Variants in TSPAN5 observed in about 807,000 individuals in gnomAD.
The protein encoded by TSPAN5 is tetraspanin-5.
TSPAN5 carries 10 observed loss-of-function variants against 37.1 expected under a neutral mutation model. The ratio of observed to expected loss-of-function variants is 0.27; its 90% CI spans 0.17 to 0.46. The LOEUF (loss-of-function observed/expected upper bound fraction) is 0.46. Among genes scored for constraint, TSPAN5 ranks in the 20% least tolerant of loss-of-function variants. TSPAN5 has a pLI of 1.00. For synonymous variants in TSPAN5, 110 were observed against 118.9 expected, an observed-to-expected ratio of 0.93 and a Z score of 0.48; for missense variants, 195 against 326.6, an observed-to-expected ratio of 0.60 and a Z score of 3.11.
chr4:98,523,185 T>A (rs1753892194), intron 1 of TSPAN5, among the ~76,000 whole-genome samples: 1 of 152,234 alleles, frequency 6.6e-6, no homozygotes, highest in African/African-American at 2.4e-5. Context: ...TCCATGTGTG[T>A]GCACTCTGGA....
At chr4:98,588,315 A>G (rs146090966) in intron 1 of TSPAN5, among the ~76,000 whole-genome samples, 11 of 152,262 alleles carry the variant, frequency 7.2e-5, no homozygotes, top group African/African-American at 2.6e-4. Flanking sequence ...CAGAGACCGC[A>G]GAAGATCACA....
In TSPAN5 at chr4:98,486,981, A is replaced by G. The variant is rs539224947; in HGVS notation, c.133-97T>C. The G allele has an allele frequency of 6.3e-5, 84 of 1,336,084 alleles. No individual in the cohort carries two copies. The African/African-American group carries it at 7.8e-4, about 12-fold the overall frequency. 82.8% of individuals were successfully genotyped at this position (1,336,084 alleles called of 1,614,324 possible). A position where few individuals can be genotyped will look rare whatever the true frequency, so the allele number is the denominator to read the frequency against. On this transcript the variant is annotated intron_variant, in intron 2 of 7. Transcript: ENST00000305798. ...GCATTTGTCCTTTCCCCTCCCAAAG[A>G]AAACCTTCAGAGGGCATCTGATTAT...
chr4:98,570,683 A>G lies in TSPAN5; in HGVS notation c.82-62955T>C, dbSNP rs553816500. ...ATAGGTTAGGCAGAGGGAGGAACAG[A>G]AACAGAGAGAGATGGACTCAAGAAA... On this transcript the variant is annotated intron_variant, in intron 1 of 7. Coordinates refer to ENST00000305798, the MANE Select transcript of TSPAN5 (RefSeq NM_005723.4). 2.0e-5 allele frequency among the ~76,000 whole-genome samples: 3 copies of G among 152,276 alleles called. No homozygotes were observed. The South Asian group carries it at 6.2e-4, about 32-fold the overall frequency.
chr4:98,569,287 A>C (rs1560541233), intron 1 of TSPAN5, among the ~76,000 whole-genome samples: 1 of 152,216 alleles, frequency 6.6e-6, no homozygotes, highest in Non-Finnish European at 1.5e-5. Flanking sequence ...GTAAGCAGAC[A>C]ATCTGGTTTT....
intron 1 of TSPAN5, among the ~76,000 whole-genome samples, chr4:98,591,306 C>A (rs1232197420): frequency 1.4e-5 from 2 of 140,932 alleles, no homozygotes; most frequent in African/African-American, 2.7e-5. Context: ...ACGCAAAAAC[C>A]TGAAGTACTT....
chr4:98,538,311 T>G (rs868788893), intron 1 of TSPAN5, among the ~76,000 whole-genome samples: 2 of 152,244 alleles, frequency 1.3e-5, no homozygotes, highest in African/African-American at 4.8e-5. Context: ...CATCAGTAAG[T>G]CTGGCTTAGG....
At chr4:98,600,780 C>G (rs1377366925) in intron 1 of TSPAN5, among the ~76,000 whole-genome samples, 2 of 152,194 alleles carry the variant, frequency 1.3e-5, no homozygotes, top group Admixed American at 1.3e-4. Flanking sequence ...TCCCATGGAT[C>G]ATGAAGGACC....
intron 1 of TSPAN5, among the ~76,000 whole-genome samples, chr4:98,538,490 A>T (rs2110138336): frequency 6.6e-6 from 1 of 152,306 alleles, no homozygotes; most frequent in South Asian, 2.1e-4. Flanking sequence ...CATTCCTCTG[A>T]CATCTAAGAG....
At chr4:98,589,647 G>A (rs1012944243) in intron 1 of TSPAN5, among the ~76,000 whole-genome samples, 7 of 152,154 alleles carry the variant, frequency 4.6e-5, no homozygotes, top group South Asian at 2.1e-4. Flanking sequence ...CGCCAGCTAC[G>A]CGCAGACTAC....
intron 1 of TSPAN5, among the ~76,000 whole-genome samples, chr4:98,656,084 C>T (rs980240395): frequency 9.2e-5 from 14 of 152,150 alleles, no homozygotes; most frequent in African/African-American, 3.1e-4. Context: ...CACCCACCCA[C>T]CTATGAAGAC....
intron 1 of TSPAN5, among the ~76,000 whole-genome samples, chr4:98,635,606 G>A (rs982790905): frequency 1.3e-5 from 2 of 152,142 alleles, no homozygotes; most frequent in Non-Finnish European, 2.9e-5. Context: ...ACAATTTGCT[G>A]TGAATCAAAG....
At chr4:98,501,880 C>A (rs1427319015) in intron 2 of TSPAN5, among the ~76,000 whole-genome samples, 1 of 152,108 alleles carries the variant, frequency 6.6e-6, no homozygotes. Context: ...CAGAGACAGC[C>A]CTAGGGTGAG....
At chr4:98,656,944 G>C (rs777247302) in intron 1 of TSPAN5, among the ~76,000 whole-genome samples, 1 of 152,212 alleles carries the variant, frequency 6.6e-6, no homozygotes, top group African/African-American at 2.4e-5. Context: ...TACATTCCGT[G>C]TTCAGACTGC....
chr4:98,634,411 C>T (rs1393730494), intron 1 of TSPAN5, among the ~76,000 whole-genome samples: 1 of 152,150 alleles, frequency 6.6e-6, no homozygotes, highest in African/African-American at 2.4e-5. Context: ...GAGACTGTTA[C>T]CTCCCAAATT....
chr4:98,629,219 T>G (rs1412862889), intron 1 of TSPAN5, among the ~76,000 whole-genome samples: 1 of 152,240 alleles, frequency 6.6e-6, no homozygotes, highest in East Asian at 1.9e-4. Flanking sequence ...AGTTGTACTG[T>G]GTATTACACA....
chr4:98,513,197 G>A (rs867124786), intron 1 of TSPAN5, among the ~76,000 whole-genome samples: 1 of 152,010 alleles, frequency 6.6e-6, no homozygotes, highest in Non-Finnish European at 1.5e-5. Context: ...GGGGAAGTGG[G>A]GAAGGTACAG....
chr4:98,528,045 C>A (rs564652762), intron 1 of TSPAN5, among the ~76,000 whole-genome samples: 3 of 152,170 alleles, frequency 2.0e-5, no homozygotes, highest in South Asian at 4.2e-4. Context: ...CCAGAATAAC[C>A]CAATTGCCCA....
intron 1 of TSPAN5, chr4:98,574,734 T>C (rs1755196222): frequency 6.6e-6 from 1 of 152,214 alleles, no homozygotes; most frequent in Admixed American, 6.5e-5. Flanking sequence ...AGGGTAGCTA[T>C]GACTATTACC....
rs565502329 is a variant in TSPAN5, at chr4:98,499,102, T to C, written c.132+8576A>G. Among the ~76,000 whole-genome samples the C allele has an allele frequency of 2.1e-4, 32 of 152,278 alleles. 3 individuals carry two copies. Among genetic ancestry groups the C allele is most frequent in the African/African-American group, 7.5e-4 (31 of 41,566 alleles). On this transcript the variant is annotated intron_variant, in intron 2 of 7. Transcript: ENST00000305798. ...GCCAGGTGGTCACCTGGAATTGAGA[T>C]GGCTACCAAGCTCAAGGAAATCACT...
Sources: allele counts gnomAD v4.1 joint callset (sites outside exome capture counted in the v4.1 genomes callset), GRCh38; gene constraint gnomAD v4.1.1; transcripts MANE v1.5; gene names NCBI Gene and HGNC (gene_info 2026-07-23, HGNC 2026-07-21).